RNF170: variants seen among roughly 807,000 people sequenced by gnomAD.
The protein encoded by RNF170 is E3 ubiquitin-protein ligase RNF170.
In RNF170, 12 loss-of-function variants were observed where a neutral mutation model predicts 32.7. The ratio of observed to expected loss-of-function variants is 0.37; its 90% CI spans 0.24 to 0.60. The LOEUF is 0.60. Among genes scored for constraint, RNF170 ranks in the 20% least tolerant of loss-of-function variants. RNF170 has a pLI of 0.72. For missense variants in RNF170, 212 were observed against 311.2 expected, an observed-to-expected ratio of 0.68 and a Z score of 2.40; for synonymous variants, 91 against 103.6, an observed-to-expected ratio of 0.88 and a Z score of 0.74.
At chr8:42,861,964 C>A in intron 5 of RNF170, 109 bp from the exon 6 acceptor site, 1 of 1,249,730 alleles carries the variant, frequency 8.0e-7, no homozygotes, top group Admixed American at 3.0e-5. Flanking sequence ...TTATATTTCA[C>A]TCATTTTTAA....
At chr8:42,850,704 G>A (rs1043496015), downstream of RNF170, 6 of 1,498,970 alleles carry the variant, frequency 4.0e-6, no homozygotes, top group African/African-American at 8.3e-5. Context: ...AGAGTGCCCT[G>A]GGGTAAGGGG....
At chr8:42,880,923 T>C (rs1281361308) in intron 2 of RNF170, among the ~76,000 whole-genome samples, 8 of 152,016 alleles carry the variant, frequency 5.3e-5, no homozygotes, top group Non-Finnish European at 1.0e-4. Flanking sequence ...TTTTTAGCAA[T>C]AAAGTATTTT....
At chr8:42,865,239 CA>C (rs1021085804) in intron 5 of RNF170, among the ~76,000 whole-genome samples, 176 bp downstream of exon 5, 1 of 147,066 alleles carries the variant, frequency 6.8e-6, no homozygotes, top group Admixed American at 6.8e-5. Flanking sequence ...GACCTTTTTT[CA>C]AAAAAAATAA....
intron 3 of RNF170, among the ~76,000 whole-genome samples, chr8:42,870,772 C>T (rs778293907): frequency 6.6e-6 from 1 of 152,142 alleles, no homozygotes; most frequent in Non-Finnish European, 1.5e-5. Context: ...TCTAAGTCTT[C>T]ACTTTTTTCA....
At chr8:42,892,458 C>T (rs1308790595) in intron 1 of RNF170, among the ~76,000 whole-genome samples, 1 of 152,102 alleles carries the variant, frequency 6.6e-6, no homozygotes, top group Non-Finnish European at 1.5e-5. Context: ...AGGTAGCACG[C>T]CCAGCCAAAA....
upstream of RNF170, chr8:42,896,740 C>CCGGCGG (rs891809526): frequency 2.8e-5 from 4 of 144,646 alleles, no homozygotes; most frequent in South Asian, 2.0e-4. Context: ...GGGGGCGCGC[C>CCGGCGG]CGGCGGCAGC....
At chr8:42,894,514 AAT>A (rs1429043729) in intron 1 of RNF170, among the ~76,000 whole-genome samples, 1 of 152,182 alleles carries the variant, frequency 6.6e-6, no homozygotes. Context: ...TAGTTTGACA[AAT>A]ATCCAGAGGC....
chr8:42,884,195 C>A (rs1805631734), intron 2 of RNF170, among the ~76,000 whole-genome samples: 1 of 151,946 alleles, frequency 6.6e-6, no homozygotes, highest in Non-Finnish European at 1.5e-5. Context: ...ATTCTCCTGA[C>A]TCAGCCTCCG....
intron 2 of RNF170, among the ~76,000 whole-genome samples, chr8:42,881,809 C>T (rs1248033625): frequency 2.0e-5 from 3 of 152,312 alleles, no homozygotes; most frequent in African/African-American, 7.2e-5. Context: ...GTGGTGCACA[C>T]CTATCATCCC....
intron 4 of RNF170, among the ~76,000 whole-genome samples, chr8:42,868,724 C>T (rs1329481378): frequency 2.6e-5 from 4 of 151,864 alleles, no homozygotes; most frequent in South Asian, 2.1e-4. Flanking sequence ...TGGTGGCAGG[C>T]GCCTGTAATC....
At chr8:42,863,083 G>A (rs79905234) in intron 5 of RNF170, among the ~76,000 whole-genome samples, 4,298 of 152,270 alleles carry the variant, frequency 0.028, 83 homozygotes, top group African/African-American at 0.05. Flanking sequence ...AGTCAGAGGC[G>A]GCAGCCTGTG....
downstream of RNF170, chr8:42,849,940 A>C (rs531881833): frequency 1.3e-5 from 2 of 152,394 alleles, no homozygotes; most frequent in East Asian, 3.9e-4. Flanking sequence ...GTGACCACAG[A>C]GTATGTTAGC....
Position 42,856,296 on chromosome 8 carries a change from T to C in RNF170, c.640A>G (p.Ile214Val), listed in dbSNP as rs587780441. 198 of 1,586,676 alleles carry C rather than the reference T, an allele frequency of 1.2e-4. 5 individuals carry two copies. The South Asian group carries it at 1.8e-3, about 15-fold the overall frequency. The change falls in exon 7 of 7, where the codon ATA becomes GTA. Residue 214 changes from isoleucine (I) to valine (V), a missense_variant. Around this residue, in one of 2 missense-constraint regions of RNF170, gnomAD observed 97 missense variants for 178.9 expected, o/e 0.54. Transcript: ENST00000527424. ...TCAGGTACAAAATCTAGAGGTGATATAAGATAGAAAAAAGCTCCCATTAAA... is the reference window on the plus strand; with the variant it reads ...TCAGGTACAAAATCTAGAGGTGATACAAGATAGAAAAAAGCTCCCATTAAA... ...LCLMGAFFYLISPLDFVPEAL... is the reference protein window; with the variant it reads ...LCLMGAFFYLVSPLDFVPEAL...
intron 3 of RNF170, 36 bp from the exon 4 acceptor site, chr8:42,870,148 C>A (rs372437772): frequency 7.0e-7 from 1 of 1,419,424 alleles, no homozygotes; most frequent in Non-Finnish European, 1.0e-6. Context: ...TGGAACACAA[C>A]ACATGTGGCC....
chr8:42,879,597 G>A (rs1224560268), intron 2 of RNF170, among the ~76,000 whole-genome samples: 1 of 152,066 alleles, frequency 6.6e-6, no homozygotes, highest in African/African-American at 2.4e-5. Context: ...GTTGCAGTGA[G>A]CCAAGATCAT....
At chr8:42,874,125 A>C in intron 2 of RNF170, 119 bp from the exon 3 acceptor site, 1 of 696,554 alleles carries the variant, frequency 1.4e-6, no homozygotes, top group Admixed American at 2.0e-5. Context: ...ATGGCATACA[A>C]GCACTTCACT....
At position 42,865,489 on chromosome 8, in the gene RNF170, C is replaced by A; in HGVS notation, c.323G>T (p.Gly108Val). ...TCGCCAGTAAGCAATAATGCAGGCACCTAATAGACAAAACAAAACAAACAC... is the reference window on the plus strand; with the variant it reads ...TCGCCAGTAAGCAATAATGCAGGCAACTAATAGACAAAACAAAACAAACAC... ...VETNCGHLFCGACIIAYWRYG... is the reference protein window; with the variant it reads ...VETNCGHLFCVACIIAYWRYG... The change falls in exon 5 of 7, where the codon GGT becomes GTT. Residue 108 changes from glycine to valine, a missense_variant and splice_region_variant. Gly to Val is a moderately radical substitution (Grantham distance 109). Transcript: ENST00000527424. 1 of 1,611,924 alleles carries A rather than the reference C, an allele frequency of 6.2e-7. No homozygotes were observed. The highest frequency in any genetic ancestry group is 1.1e-5 in the South Asian group (1 of 91,034).
Position 42,853,413 on chromosome 8 carries a change from C to T in RNF170, c.*2746G>A. 4.7e-6 allele frequency: 6 copies of T among 1,287,058 alleles called. No individual in the cohort carries two copies. The highest frequency in any genetic ancestry group is 5.1e-6 in the Non-Finnish European group (5 of 988,580). 79.7% of individuals were successfully genotyped at this position (1,287,058 alleles called of 1,614,324 possible). A position where few individuals can be genotyped will look rare whatever the true frequency, so the allele number is the denominator to read the frequency against. On this transcript the variant is annotated 3_prime_UTR_variant, in exon 7 of 7. Coordinates refer to ENST00000527424, the MANE Select transcript of RNF170 (RefSeq NM_030954.4). ...TACAACAACTCTGTGAGGTAGGTAT[C>T]TGCATAGCCACAAGGGATCCACATA...
At chr8:42,883,094 G>A (rs1194421023) in intron 2 of RNF170, among the ~76,000 whole-genome samples, 1 of 151,682 alleles carries the variant, frequency 6.6e-6, no homozygotes, top group African/African-American at 2.4e-5. Context: ...CACATGTTCT[G>A]ACTTATAAGT....
Sources: allele counts gnomAD v4.1 joint callset (sites outside exome capture counted in the v4.1 genomes callset), GRCh38; gene constraint gnomAD v4.1.1; regional missense constraint gnomAD v4.1.1; transcripts MANE v1.5; gene names NCBI Gene and HGNC (gene_info 2026-07-23, HGNC 2026-07-21).